SLC7A5: variants seen among roughly 807,000 people sequenced by gnomAD.
SLC7A5 encodes solute carrier family 7 member 5.
Under a neutral mutation model 50.2 loss-of-function variants are expected in SLC7A5, and 23 were observed. The observed-to-expected ratio is 0.46, with a 90% CI of 0.33 to 0.65. SLC7A5 has a LOEUF of 0.65. SLC7A5 is among the 30% of genes least tolerant of loss of function. The pLI, the probability that SLC7A5 is intolerant of heterozygous loss-of-function variation, is 0.02. For synonymous variants in SLC7A5, 393 were observed against 330.6 expected (o/e 1.19, Z -2.05); for missense variants, 578 against 684.4 (o/e 0.84, Z 1.73).
chr16:87,863,998 T>TATATATATATATATATATAC (rs1410274815), intron 1 of SLC7A5, among the ~76,000 whole-genome samples: 3 of 137,632 alleles, frequency 2.2e-5, no homozygotes, highest in African/African-American at 5.2e-5. Flanking sequence ...TATATATATA[T>TATATATATATATATATATAC]ATATATATAT....
chr16:87,849,615 G>T (rs2055194652), intron 2 of SLC7A5, among the ~76,000 whole-genome samples: 2 of 152,200 alleles, frequency 1.3e-5, no homozygotes, highest in South Asian at 4.1e-4. Flanking sequence ...GGGAGGCACA[G>T]GATGGATTTG....
intron 1 of SLC7A5, among the ~76,000 whole-genome samples, chr16:87,856,050 A>T (rs1332192371): frequency 6.6e-6 from 1 of 152,152 alleles, no homozygotes; most frequent in Non-Finnish European, 1.5e-5. Flanking sequence ...CCCAGTGAAC[A>T]TGATCCTCCC....
In SLC7A5 at chr16:87,860,813, G is replaced by A. The variant is rs2055388514; in HGVS notation, c.538+8072C>T. On this transcript the variant is annotated intron_variant, in intron 1 of 9. Coordinates refer to ENST00000261622, the MANE Select transcript of SLC7A5 (RefSeq NM_003486.7). The surrounding 1 kb of genome is among the most constrained non-coding windows in gnomAD (Gnocchi z 4.8). ...TAGGAGGTCGGTGCTCATTCCTCAC[G>A]TAGTGGGCAAATCCTAGGGCAGGGG... Among the ~76,000 whole-genome samples the A allele has an allele frequency of 1.3e-5, 2 of 152,192 alleles. No homozygotes were observed. The highest frequency in any genetic ancestry group is 1.9e-4 in the East Asian group (1 of 5,192).
rs1231403114 is a variant in SLC7A5, at chr16:87,833,630, G to C, written c.1469-605C>G. Among the ~76,000 whole-genome samples the C allele has an allele frequency of 1.4e-5, 2 of 144,378 alleles. No individual in the cohort carries two copies. The highest frequency in any genetic ancestry group is 5.9e-5 in the African/African-American group (2 of 33,792). The allele number at this position is 144,378 out of a possible 152,430, so 94.7% of individuals were successfully genotyped here. ...CCATGACCCTGGCGGTGATCAGAGT[G>C]TGGGGTAGGGGTGGGGGGTCTCCCT... On this transcript the variant is annotated intron_variant, in intron 9 of 9. Coordinates refer to ENST00000261622, the MANE Select transcript of SLC7A5 (RefSeq NM_003486.7). The surrounding 1 kb of genome is among the most constrained non-coding windows in gnomAD (Gnocchi z 6.0).
At position 87,833,104 on chromosome 16, in the gene SLC7A5, C is replaced by G; in HGVS notation, c.1469-79G>C. On this transcript the variant is annotated intron_variant, in intron 9 of 9. Coordinates refer to ENST00000261622, the MANE Select transcript of SLC7A5 (RefSeq NM_003486.7). This position sits in a 1 kb window ranked among gnomAD's most constrained non-coding sequence, Gnocchi z 6.0. ...GGACACGGGGGCGTGAGCTGGGGCTCCCCCAGCCCTGCTGTCACCAAACCC... is the reference window on the plus strand; with the variant it reads ...GGACACGGGGGCGTGAGCTGGGGCTGCCCCAGCCCTGCTGTCACCAAACCC... 2.5e-6 allele frequency: 3 copies of G among 1,194,204 alleles called. No individual in the cohort carries two copies. The highest frequency in any genetic ancestry group is 3.8e-6 in the Non-Finnish European group (3 of 798,744). The allele number at this position is 1,194,204 out of a possible 1,614,324, so 74.0% of individuals were successfully genotyped here.
intron 2 of SLC7A5, among the ~76,000 whole-genome samples, chr16:87,850,160 C>G (rs1039035121): frequency 2.6e-5 from 4 of 152,190 alleles, no homozygotes; most frequent in African/African-American, 9.7e-5. Context: ...CAGGGGGCGC[C>G]AGGAGCAAGG....
chr16:87,845,593 C>A (rs4453502), intron 2 of SLC7A5, among the ~76,000 whole-genome samples: 1 of 152,154 alleles, frequency 6.6e-6, no homozygotes, highest in Non-Finnish European at 1.5e-5. Context: ...ATGCCTGTTT[C>A]GCTCTGGCCA....
Position 87,860,340 on chromosome 16 carries a change from ATACACACACACACAC to A in SLC7A5, c.539-8506_539-8492del, listed in dbSNP as rs2055377824. Among the ~76,000 whole-genome samples the A allele has an allele frequency of 9.6e-5, 5 of 52,196 alleles. No homozygotes were observed. Among genetic ancestry groups the A allele is most frequent in the Non-Finnish European group, 1.8e-4 (5 of 28,436 alleles). 34.2% of individuals were successfully genotyped at this position (52,196 alleles called of 152,430 possible). On this transcript the variant is annotated intron_variant, in intron 1 of 9. Coordinates refer to ENST00000261622, the MANE Select transcript of SLC7A5 (RefSeq NM_003486.7). This position sits in a 1 kb window ranked among gnomAD's most constrained non-coding sequence, Gnocchi z 4.8. Reference sequence around the variant, plus strand: ...AAAAGCATCTCAAAAAAAAAAAAAAATACACACACACACACACACACACACACACACACACACACA... The same window carrying A: ...AAAAGCATCTCAAAAAAAAAAAAAAAACACACACACACACACACACACACA...
chr16:87,865,128 C>T (rs907264042), intron 1 of SLC7A5, among the ~76,000 whole-genome samples: 38 of 152,198 alleles, frequency 2.5e-4, no homozygotes, highest in African/African-American at 9.2e-4. Flanking sequence ...TCTTGCCTTA[C>T]ACACAGGGGC....
chr16:87,856,716 C>T (rs1441380738), intron 1 of SLC7A5, among the ~76,000 whole-genome samples: 5 of 152,230 alleles, frequency 3.3e-5, no homozygotes, highest in Non-Finnish European at 7.3e-5. Flanking sequence ...TTAGTAGAAC[C>T]AGTACCTTCC....
intron 6 of SLC7A5, among the ~76,000 whole-genome samples, chr16:87,838,342 A>G (rs1398781902): frequency 1.5e-5 from 2 of 132,458 alleles, no homozygotes; most frequent in African/African-American, 6.0e-5. Flanking sequence ...CCCAGGCTGG[A>G]GTGCAGTGGC....
Position 87,832,993 on chromosome 16 carries a change from G to C in SLC7A5, c.1501C>G (p.Gln501Glu). 1 of 1,613,912 alleles carries C rather than the reference G, an allele frequency of 6.2e-7. No individual in the cohort carries two copies. Among genetic ancestry groups the C allele is most frequent in the Non-Finnish European group, 8.5e-7 (1 of 1,179,894 alleles). Residue 501 changes from glutamine to glutamate, a missense_variant, in exon 10 of 10, where the codon CAG (glutamine) becomes GAG (glutamate). By Grantham distance (29) the Gln-to-Glu change is conservative. This residue lies in a region of SLC7A5 where 465 missense variants were observed against 594.6 expected (regional missense o/e 0.78). Transcript: ENST00000261622. This position sits in a 1 kb window ranked among gnomAD's most constrained non-coding sequence, Gnocchi z 4.6. ...GGCTATGTCTCCTGGGGGACCACCT[G>C]CATGAGCTTCTGACACAGGACGGTC... ...STTVLCQKLM[Q>E]VVPQET is the part of the protein sequence containing the mutation.
intron 8 of SLC7A5, among the ~76,000 whole-genome samples, chr16:87,835,093 C>A (rs531223980): frequency 1.3e-5 from 2 of 152,402 alleles, no homozygotes; most frequent in South Asian, 4.1e-4. Flanking sequence ...CCAGGCAGGG[C>A]TGCAAGGAGC....
chr16:87,863,627 C>T (rs980731161), intron 1 of SLC7A5: 3 of 152,088 alleles, frequency 2.0e-5, no homozygotes, highest in East Asian at 1.9e-4. Flanking sequence ...CACGAAGACA[C>T]GCGTGAAAGG....
rs7188229 is a variant in SLC7A5, at chr16:87,860,323, C to A, written c.539-8474G>T. Among the ~76,000 whole-genome samples the A allele has an allele frequency of 0.021, 2,249 of 109,504 alleles. 101 individuals are homozygous for A. The highest frequency in any genetic ancestry group is 0.082 in the African/African-American group (2,121 of 25,772). 71.8% of individuals were successfully genotyped at this position (109,504 alleles called of 152,430 possible). On this transcript the variant is annotated intron_variant, in intron 1 of 9. Transcript: ENST00000261622. This position sits in a 1 kb window ranked among gnomAD's most constrained non-coding sequence, Gnocchi z 4.8. ...ACTCCAGCCCGAGTAACAAAAGCATCTCAAAAAAAAAAAAAAATACACACA... is the reference window on the plus strand; with the variant it reads ...ACTCCAGCCCGAGTAACAAAAGCATATCAAAAAAAAAAAAAAATACACACA...
intron 1 of SLC7A5, among the ~76,000 whole-genome samples, chr16:87,858,391 G>T (rs1325868532): frequency 6.6e-6 from 1 of 152,170 alleles, no homozygotes; most frequent in Non-Finnish European, 1.5e-5. Context: ...TGCTGGCTAA[G>T]TGCGGAGCCT....
chr16:87,835,546 G>A (rs181861738), intron 8 of SLC7A5, among the ~76,000 whole-genome samples: 1 of 152,204 alleles, frequency 6.6e-6, no homozygotes, highest in Non-Finnish European at 1.5e-5. Flanking sequence ...CTGGAGTACA[G>A]TGGCGCGACC....
In SLC7A5 at chr16:87,834,830, A is replaced by G. The variant is rs553679155; in HGVS notation, c.1291-239T>C. ...GGCTTATGATGAGGGATGGAAGGAG[A>G]CAGCTTCGTCTCCCGAGGCCTCCCA... is the stretch of plus-strand genomic sequence containing the variant. On this transcript the variant is annotated intron_variant, in intron 8 of 9. Coordinates refer to ENST00000261622, the MANE Select transcript of SLC7A5 (RefSeq NM_003486.7). 2.6e-5 allele frequency among the ~76,000 whole-genome samples: 4 copies of G among 152,230 alleles called. No individual in the cohort carries two copies. The South Asian group carries it at 8.3e-4, about 32-fold the overall frequency.
At chr16:87,858,899 C>T (rs530974148) in intron 1 of SLC7A5, among the ~76,000 whole-genome samples, 8 of 152,380 alleles carry the variant, frequency 5.3e-5, no homozygotes, top group East Asian at 1.9e-4. Context: ...TCCCCAATCC[C>T]GATGGGCTCT....
Sources: gnomAD v4.1 joint callset for allele counts (sites outside exome capture counted in the v4.1 genomes callset) on GRCh38, gnomAD v4.1.1 for gene constraint, gnomAD v4.1.1 regional missense constraint, Gnocchi (gnomAD v3.1) non-coding constraint, MANE v1.5 for transcripts, NCBI Gene and HGNC (gene_info 2026-07-23, HGNC 2026-07-21) for gene names.